Variants in TBL1XR1 observed in about 807,000 individuals in gnomAD.
TBL1XR1 encodes the protein TBL1X/Y related 1, also known as F-box-like/WD repeat-containing protein TBL1XR1.
Under a neutral mutation model 66.9 loss-of-function variants are expected in TBL1XR1, and 5 were observed. The ratio of observed to expected loss-of-function variants is 0.07; its 90% CI spans 0.04 to 0.16. The LOEUF (loss-of-function observed/expected upper bound fraction) is 0.16, where lower values mean the gene tolerates loss of function less well. Ranked by LOEUF, TBL1XR1 falls within the 10% of genes least tolerant of loss-of-function variation. The probability of loss-of-function intolerance (pLI) is 1.00; values close to 1 mark genes in which losing one functional copy is unlikely to be tolerated. For missense variants in TBL1XR1, 238 were observed against 623.2 expected, an observed-to-expected ratio of 0.38 and a Z score of 6.58; for synonymous variants, 210 against 206.0, an observed-to-expected ratio of 1.02 and a Z score of -0.17.
chr3:177,133,876 CAAAA>C lies in TBL1XR1; in HGVS notation c.-121-35339_-121-35336del, dbSNP rs541940840. ...GGGCGAAAGAGTGAGACTCCTATCT[CAAAA>C]AAAAAAAAAAAAAAAGTAACACTCC... On this transcript the variant is annotated intron_variant, in intron 1 of 15. Coordinates refer to ENST00000457928, the MANE Select transcript of TBL1XR1 (RefSeq NM_024665.7). Among the ~76,000 whole-genome samples the C allele has an allele frequency of 8.4e-4, 89 of 105,744 alleles. 1 individual carries two copies. The highest frequency in any genetic ancestry group is 1.2e-3 in the African/African-American group (34 of 27,786). The allele number at this position is 105,744 out of a possible 152,430, so 69.4% of individuals were successfully genotyped here.
At chr3:177,195,875 T>C (rs1383568717) in intron 1 of TBL1XR1, among the ~76,000 whole-genome samples, 1 of 152,160 alleles carries the variant, frequency 6.6e-6, no homozygotes, top group East Asian at 1.9e-4. Context: ...ATCACATAGG[T>C]ACTAAAACTC....
At chr3:177,169,132 ATGT>A (rs1163058290) in intron 1 of TBL1XR1, among the ~76,000 whole-genome samples, 3 of 152,198 alleles carry the variant, frequency 2.0e-5, no homozygotes, top group Admixed American at 6.6e-5. Context: ...CATTTTCTTA[ATGT>A]TGTTCATTAA....
At chr3:177,176,536 G>C (rs1734175259) in intron 1 of TBL1XR1, among the ~76,000 whole-genome samples, 1 of 151,066 alleles carries the variant, frequency 6.6e-6, no homozygotes, top group African/African-American at 2.4e-5. Context: ...ATTATGGCTG[G>C]GCAAGCTGGC....
At chr3:177,032,753 G>C in intron 14 of TBL1XR1, 1 of 374,994 alleles carries the variant, frequency 2.7e-6, no homozygotes, top group Non-Finnish European at 4.7e-6. Flanking sequence ...AAAAACAAAA[G>C]AATACAATAA....
chr3:177,191,778 C>T (rs1026960482), intron 1 of TBL1XR1, among the ~76,000 whole-genome samples: 1 of 152,196 alleles, frequency 6.6e-6, no homozygotes, highest in Admixed American at 6.5e-5. Context: ...CTAGGTTCTG[C>T]TGGACCCAAA....
chr3:177,028,954 C>T (rs1713546552), intron 14 of TBL1XR1, among the ~76,000 whole-genome samples: 1 of 152,020 alleles, frequency 6.6e-6, no homozygotes, highest in Non-Finnish European at 1.5e-5. Context: ...ATGAATGGTG[C>T]TAAGACAACT....
At chr3:177,106,928 T>A (rs995992526) in intron 1 of TBL1XR1, among the ~76,000 whole-genome samples, 5 of 145,826 alleles carry the variant, frequency 3.4e-5, no homozygotes, top group South Asian at 2.2e-4. Context: ...AAAAAAAAAA[T>A]TATCATTTAT....
rs1315950124 is a variant in TBL1XR1 at position 177,023,779 on chromosome 3, G to C, written c.*1719C>G. The stretch of plus-strand genomic sequence containing the variant: ...TAAATCAGTTTCTACTTAGAACACA[G>C]GTTAAAATTTTAGTACTAAAAGGCC... On this transcript the variant is annotated 3_prime_UTR_variant, in exon 16 of 16. Transcript: ENST00000457928. 2 of 152,418 alleles carry C rather than the reference G, an allele frequency of 1.3e-5. No homozygotes were observed. The highest frequency in any genetic ancestry group is 4.8e-5 in the African/African-American group (2 of 41,398). 9.4% of individuals were successfully genotyped at this position (152,418 alleles called of 1,614,324 possible). A position where few individuals can be genotyped will look rare whatever the true frequency, so the allele number is the denominator to read the frequency against.
chr3:177,046,284 T>C (rs944287788), intron 9 of TBL1XR1, 95 bp from the exon 10 acceptor site: 2 of 869,558 alleles, frequency 2.3e-6, no homozygotes, highest in Admixed American at 6.8e-5. Flanking sequence ...CAATATGAAA[T>C]GTCAGAGTGG....
intron 1 of TBL1XR1, among the ~76,000 whole-genome samples, chr3:177,148,116 G>A (rs1355210086): frequency 6.6e-6 from 1 of 152,164 alleles, no homozygotes; most frequent in Non-Finnish European, 1.5e-5. Flanking sequence ...TCTGAATGAA[G>A]AATCAATTTT....
chr3:177,135,177 T>C (rs1728783914), intron 1 of TBL1XR1, among the ~76,000 whole-genome samples: 1 of 150,038 alleles, frequency 6.7e-6, no homozygotes, highest in Non-Finnish European at 1.5e-5. Flanking sequence ...AATTTTTGTA[T>C]TTTTAGTAGA....
At chr3:177,156,324 C>A (rs554957491) in intron 1 of TBL1XR1, among the ~76,000 whole-genome samples, 155 of 151,410 alleles carry the variant, frequency 1.0e-3, no homozygotes, top group African/African-American at 3.5e-3. Flanking sequence ...ATGGCAAAAC[C>A]CCCGTCTCTA....
intron 1 of TBL1XR1, among the ~76,000 whole-genome samples, chr3:177,193,849 T>TCA (rs1736478367): frequency 6.6e-6 from 1 of 152,230 alleles, no homozygotes; most frequent in East Asian, 1.9e-4. Flanking sequence ...ATCCTAGTGT[T>TCA]CATTTAATAA....
intron 1 of TBL1XR1, among the ~76,000 whole-genome samples, chr3:177,125,289 A>G (rs993704212): frequency 1.3e-5 from 2 of 152,188 alleles, no homozygotes; most frequent in Non-Finnish European, 2.9e-5. Flanking sequence ...GCCAATAAGC[A>G]TATGAAAATA....
intron 2 of TBL1XR1, among the ~76,000 whole-genome samples, chr3:177,084,515 A>G (rs1435990930): frequency 6.6e-6 from 1 of 152,264 alleles, no homozygotes; most frequent in Non-Finnish European, 1.5e-5. Flanking sequence ...GCTTAGGAGT[A>G]TTCCATTGTA....
intron 2 of TBL1XR1, among the ~76,000 whole-genome samples, chr3:177,077,027 T>G (rs899325266): frequency 2.0e-5 from 3 of 152,216 alleles, no homozygotes; most frequent in African/African-American, 7.2e-5. Flanking sequence ...CTTCAACAGC[T>G]TGGCTATCCA....
intron 1 of TBL1XR1, among the ~76,000 whole-genome samples, chr3:177,176,979 A>G (rs1489059461): frequency 6.6e-6 from 1 of 152,072 alleles, no homozygotes; most frequent in Non-Finnish European, 1.5e-5. Flanking sequence ...AGCCATCTCA[A>G]TTTTTTGAAA....
intron 1 of TBL1XR1, among the ~76,000 whole-genome samples, chr3:177,157,973 C>A (rs1460875026): frequency 6.6e-6 from 1 of 151,956 alleles, no homozygotes; most frequent in Non-Finnish European, 1.5e-5. Context: ...TAAATACTAT[C>A]CTCGTTAAGT....
intron 2 of TBL1XR1, among the ~76,000 whole-genome samples, chr3:177,076,209 C>T (rs1720684071): frequency 6.6e-6 from 1 of 152,184 alleles, no homozygotes; most frequent in Non-Finnish European, 1.5e-5. Context: ...GCCCTTATGT[C>T]TTAAGCACTT....
Sources: gnomAD v4.1 joint callset for allele counts (sites outside exome capture counted in the v4.1 genomes callset) on GRCh38, gnomAD v4.1.1 for gene constraint, MANE v1.5 for transcripts, NCBI Gene and HGNC (gene_info 2026-07-23, HGNC 2026-07-21) for gene names.